Variants in TRAF3IP3 observed in about 807,000 individuals in gnomAD.
TRAF3IP3 encodes TRAF3 interacting protein 3.
In TRAF3IP3, 64 loss-of-function variants were observed where a neutral mutation model predicts 86.5. That is an observed-to-expected ratio of 0.74 (90% CI 0.60 to 0.91). The LOEUF is 0.91. Among genes scored for constraint, TRAF3IP3 ranks in the 40% least tolerant of loss-of-function variants. TRAF3IP3 has a pLI of 0.00. For synonymous variants in TRAF3IP3, 220 were observed against 243.9 expected, an observed-to-expected ratio of 0.90 and a Z score of 0.91; for missense variants, 579 against 642.9, an observed-to-expected ratio of 0.90 and a Z score of 1.07.
At chr1:209,774,258 A>G (rs527341639) in intron 9 of TRAF3IP3, among the ~76,000 whole-genome samples, 15 of 152,254 alleles carry the variant, frequency 9.9e-5, no homozygotes, top group Non-Finnish European at 1.6e-4. Flanking sequence ...AAATGTATTA[A>G]TTTTAAAACA....
At chr1:209,757,363 G>C (rs138991206) in intron 1 of TRAF3IP3, among the ~76,000 whole-genome samples, 24 of 152,322 alleles carry the variant, frequency 1.6e-4, no homozygotes, top group African/African-American at 5.5e-4. Flanking sequence ...CAAGAAGGTA[G>C]GAGGATTCTC....
intron 14 of TRAF3IP3, chr1:209,779,701 A>G: frequency 6.7e-6 from 4 of 593,018 alleles, no homozygotes. Flanking sequence ...AATCACATCC[A>G]ACTCCCCAGC....
In TRAF3IP3 at chr1:209,760,534, A is replaced by G. The variant is rs112891855; in HGVS notation, c.345+150A>G. 9.9e-5 allele frequency: 67 copies of G among 678,850 alleles called. No homozygotes were observed. In the African/African-American group the frequency reaches 1.1e-3, roughly 11 times the overall value. The allele number at this position is 678,850 out of a possible 1,614,324, so 42.1% of individuals were successfully genotyped here. ...AAGTTGCCAAGAGCTACTTATAGTA[A>G]AGTTGCCAACAGCTACTTATTCAGA... On this transcript the variant is annotated intron_variant, in intron 3 of 16. Coordinates refer to ENST00000367025, the MANE Select transcript of TRAF3IP3 (RefSeq NM_025228.4).
intron 5 of TRAF3IP3, 41 bp from the exon 6 acceptor site, chr1:209,763,027 T>G (rs746438625): frequency 6.2e-7 from 1 of 1,611,588 alleles, no homozygotes; most frequent in African/African-American, 1.3e-5. Context: ...GACTTGATTC[T>G]TTGGTCCATT....
chr1:209,773,935 T>A (rs1343496659), intron 9 of TRAF3IP3, among the ~76,000 whole-genome samples: 3 of 152,220 alleles, frequency 2.0e-5, no homozygotes, highest in Admixed American at 6.5e-5. Flanking sequence ...ACATATGACC[T>A]CAACCAGGTT....
chr1:209,781,642 C>T, intron 16 of TRAF3IP3, 184 bp downstream of exon 16: 2 of 518,970 alleles, frequency 3.9e-6, no homozygotes, highest in East Asian at 3.3e-5. Flanking sequence ...TCCATCAAAG[C>T]CCAACTTTCA....
At chr1:209,761,123 G>C (rs1272616445) in intron 3 of TRAF3IP3, among the ~76,000 whole-genome samples, 1 of 152,090 alleles carries the variant, frequency 6.6e-6, no homozygotes, top group African/African-American at 2.4e-5. Flanking sequence ...CACACACACA[G>C]ACATATCTGT....
At chr1:209,764,532 A>C (rs1471161903) in intron 8 of TRAF3IP3, among the ~76,000 whole-genome samples, 2 of 152,168 alleles carry the variant, frequency 1.3e-5, no homozygotes, top group Non-Finnish European at 2.9e-5. Context: ...ACCTGAGGTC[A>C]GGAGTTCAAG....
rs758898235 is a variant in TRAF3IP3, at chr1:209,762,624, A to C, written c.455A>C (p.Gln152Pro). Residue 152 changes from glutamine to proline, a missense_variant, in exon 4 of 17, where the codon CAG becomes CCG. By Grantham distance (76) the Gln-to-Pro change is moderately conservative (BLOSUM62 -1). Coordinates refer to ENST00000367025, the MANE Select transcript of TRAF3IP3 (RefSeq NM_025228.4). ...LSSQAGGLPP[Q>P]DTPIKKPPKH... ...TCACAGGCTGGGGGCCTTCCTCCAC[A>C]GGACACTCCCATCAAGAAGCCACCC... 1.8e-5 allele frequency: 28 copies of C among 1,526,670 alleles called. No homozygotes were observed. In the South Asian group the frequency reaches 2.5e-4, roughly 14 times the overall value. The allele number at this position is 1,526,670 out of a possible 1,614,324, so 94.6% of individuals were successfully genotyped here.
chr1:209,763,703 C>A, intron 8 of TRAF3IP3, 116 bp downstream of exon 8: 1 of 861,334 alleles, frequency 1.2e-6, no homozygotes, highest in South Asian at 1.6e-5. Flanking sequence ...GAAAAGTAAG[C>A]TGGGAAGAGG....
chr1:209,775,770 G>C, intron 11 of TRAF3IP3, 34 bp downstream of exon 11: 1 of 1,575,348 alleles, frequency 6.3e-7, no homozygotes, highest in Non-Finnish European at 8.6e-7. Context: ...GGGAAGACAG[G>C]GTATGGGGAG....
rs759256006 is a variant in TRAF3IP3, at chr1:209,760,112, C to T, written c.73C>T (p.Arg25Cys). The change falls in exon 3 of 17, where the codon CGC becomes TGC. Residue 25 changes from arginine to cysteine, a missense_variant. Coordinates refer to ENST00000367025, the MANE Select transcript of TRAF3IP3 (RefSeq NM_025228.4). The part of the protein sequence containing the change: ...WAESYEAKCE[R>C]RQEIRESRRC... ...TGAGAGCTATGAGGCCAAGTGTGAG[C>T]GCAGGCAAGAGATCCGTGAAAGCCG... 8 of 1,614,004 alleles carry T rather than the reference C, an allele frequency of 5.0e-6. No individual in the cohort carries two copies. In the African/African-American group the frequency reaches 5.3e-5, roughly 11 times the overall value.
intron 8 of TRAF3IP3, among the ~76,000 whole-genome samples, chr1:209,771,957 A>G (rs2077549282): frequency 8.0e-6 from 1 of 124,300 alleles, no homozygotes; most frequent in South Asian, 2.7e-4. Flanking sequence ...GTGCATGTGA[A>G]GGTGTGTGTG....
intron 8 of TRAF3IP3, among the ~76,000 whole-genome samples, chr1:209,770,180 T>C (rs1322814913): frequency 1.3e-5 from 2 of 152,070 alleles, no homozygotes; most frequent in Non-Finnish European, 2.9e-5. Context: ...TATGAATAAA[T>C]AGAATGTGAC....
Position 209,765,178 on chromosome 1 carries a change from G to GGAGAGAGAGAGAGAGAGA in TRAF3IP3, c.702+1609_702+1626dup, listed in dbSNP as rs375415223. The stretch of plus-strand genomic sequence containing the variant: ...TGACAGAGCAGGACTCTGAGAGACA[G>GGAGAGAGAGAGAGAGAGA]GAGAGAGAGAGAGAGAGAGAGAGAG... On this transcript the variant is annotated intron_variant, in intron 8 of 16. Coordinates refer to ENST00000367025, the MANE Select transcript of TRAF3IP3 (RefSeq NM_025228.4). 3.0e-4 allele frequency among the ~76,000 whole-genome samples: 26 copies of GGAGAGAGAGAGAGAGAGA among 87,868 alleles called. 1 individual carries two copies. Among genetic ancestry groups the GGAGAGAGAGAGAGAGAGA allele is most frequent in the East Asian group, 2.8e-3 (7 of 2,528 alleles). 57.6% of individuals were successfully genotyped at this position (87,868 alleles called of 152,430 possible). A position where few individuals can be genotyped will look rare whatever the true frequency, so the allele number is the denominator to read the frequency against.
chr1:209,763,613 C>A, intron 8 of TRAF3IP3, 26 bp downstream of exon 8: 1 of 1,554,190 alleles, frequency 6.4e-7, no homozygotes, highest in African/African-American at 1.8e-5. Flanking sequence ...TCTTTTTGAA[C>A]AAAGCTTGGG....
chr1:209,778,364 C>CT (rs2077703773), intron 13 of TRAF3IP3, 191 bp downstream of exon 13: 37 of 509,578 alleles, frequency 7.3e-5, no homozygotes, highest in South Asian at 3.5e-4. Context: ...AGCCTCTGTT[C>CT]TTTTTTTTCT....
At chr1:209,775,131 G>A (rs2077625406) in intron 9 of TRAF3IP3, among the ~76,000 whole-genome samples, 1 of 152,132 alleles carries the variant, frequency 6.6e-6, no homozygotes, top group Non-Finnish European at 1.5e-5. Flanking sequence ...CAGATATAAT[G>A]CCCAGGAAGC....
intron 2 of TRAF3IP3, among the ~76,000 whole-genome samples, chr1:209,759,492 A>G (rs1045606526): frequency 6.6e-6 from 1 of 152,218 alleles, no homozygotes; most frequent in Non-Finnish European, 1.5e-5. Flanking sequence ...GTGTCACTCA[A>G]CTATGTTAGT....
Sources: gnomAD v4.1 joint callset for allele counts (sites outside exome capture counted in the v4.1 genomes callset) on GRCh38, gnomAD v4.1.1 for gene constraint, MANE v1.5 for transcripts, NCBI Gene and HGNC (gene_info 2026-07-23, HGNC 2026-07-21) for gene names.